Variants in RREB1 observed in about 807,000 individuals in gnomAD.
The protein encoded by RREB1 is ras responsive element binding protein 1, also known as ras-responsive element-binding protein 1.
A neutral mutation model predicts 117.8 loss-of-function variants in RREB1; 27 were observed. The ratio of observed to expected loss-of-function variants is 0.23; its 90% CI spans 0.17 to 0.32. RREB1 has a LOEUF of 0.32. RREB1 is among the 10% of genes least tolerant of loss of function. The probability of loss-of-function intolerance (pLI) is 1.00; values close to 1 mark genes in which losing one functional copy is unlikely to be tolerated. For synonymous variants in RREB1, 1,298 were observed against 1,026.7 expected (o/e 1.26, Z -5.05); for missense variants, 2,577 against 2,378.2 (o/e 1.08, Z -1.74).
At position 7,231,534 on chromosome 6, in the gene RREB1, C is replaced by T. The variant is rs1390221467; in HGVS notation, c.3435C>T (p.Gly1145=). ...AGGCTGCCTCTCCCACCGAGCAGGG[C>T]CCAGCGGGCACGTCGAAGAAGAGGG... ...SPEAASPTEQ[G]PAGTSKKRGR... is the part of the protein sequence containing the mutation. Residue 1145 remains glycine, a synonymous_variant, in exon 10 of 13, where the codon GGC becomes GGT. Transcript: ENST00000379938. The T allele has an allele frequency of 6.2e-6, 10 of 1,609,442 alleles. No individual in the cohort carries two copies. The highest frequency in any genetic ancestry group is 1.3e-5 in the African/African-American group (1 of 74,756).
chr6:7,132,571 T>A (rs997850423), intron 1 of RREB1, among the ~76,000 whole-genome samples: 3 of 152,234 alleles, frequency 2.0e-5, no homozygotes, highest in African/African-American at 7.2e-5. Flanking sequence ...AAGGAATGAA[T>A]GCGGTAGGGG....
chr6:7,228,529 AGT>A (rs1767723312), intron 9 of RREB1, among the ~76,000 whole-genome samples: 1 of 115,914 alleles, frequency 8.6e-6, no homozygotes, highest in African/African-American at 3.4e-5. Context: ...TTTAAGGCAG[AGT>A]CTTGTTCTGT....
Position 7,247,114 on chromosome 6 carries a change from C to G in RREB1, c.4664C>G (p.Pro1555Arg), listed in dbSNP as rs895724077. Reference sequence around the variant, plus strand: ...GACAAGAAACCAAAGACAGACTCCCCCAAAAGCGTGGCCAGCAAGGCAGAC... The same window carrying G: ...GACAAGAAACCAAAGACAGACTCCCGCAAAAGCGTGGCCAGCAAGGCAGAC... The part of the protein sequence containing the change: ...DDDKKPKTDS[P>R]KSVASKADKR... Residue 1555 changes from proline to arginine, a missense_variant, in exon 12 of 13, where the codon CCC (proline) becomes CGC (arginine). By Grantham distance (103) the Pro-to-Arg change is moderately radical (BLOSUM62 -2). Transcript: ENST00000379938. The G allele has an allele frequency of 9.9e-6, 16 of 1,613,890 alleles. No homozygotes were observed. Among genetic ancestry groups the G allele is most frequent in the Non-Finnish European group, 1.2e-5 (14 of 1,179,986 alleles).
chr6:7,164,657 T>C (rs1262691534), intron 1 of RREB1, among the ~76,000 whole-genome samples: 3 of 152,170 alleles, frequency 2.0e-5, no homozygotes, highest in African/African-American at 4.8e-5. Context: ...CTATACTGAG[T>C]CCTGGATATT....
chr6:7,170,650 T>G (rs1764163037), intron 1 of RREB1, among the ~76,000 whole-genome samples: 1 of 152,246 alleles, frequency 6.6e-6, no homozygotes, highest in East Asian at 1.9e-4. Context: ...TGATGTGTGT[T>G]TGTTCCTGAG....
rs1320614640 is a variant in RREB1 at position 7,250,492 on chromosome 6, C to T, written c.*1524C>T. 1 of 151,932 alleles carries T rather than the reference C, an allele frequency of 6.6e-6. No homozygotes were observed. The highest frequency in any genetic ancestry group is 2.0e-4 in the East Asian group (1 of 5,126). The allele number at this position is 151,932 out of a possible 1,614,324, so 9.4% of individuals were successfully genotyped here. On this transcript the variant is annotated 3_prime_UTR_variant, in exon 13 of 13. Coordinates refer to ENST00000379938, the MANE Select transcript of RREB1 (RefSeq NM_001003699.4). Reference sequence around the variant, plus strand: ...CTCCGCCTGCAGGGAGGAGAATGTACCCCACTGCACCTGAGCTCCTGGTCC... The same window carrying T: ...CTCCGCCTGCAGGGAGGAGAATGTATCCCACTGCACCTGAGCTCCTGGTCC...
At chr6:7,227,532 C>T (rs565896428) in intron 9 of RREB1, among the ~76,000 whole-genome samples, 1 of 147,210 alleles carries the variant, frequency 6.8e-6, no homozygotes, top group African/African-American at 2.6e-5. Flanking sequence ...CAGAGCGAGA[C>T]TCCGTCTAAG....
chr6:7,134,494 CT>C (rs1218397128), intron 1 of RREB1, among the ~76,000 whole-genome samples: 2 of 152,290 alleles, frequency 1.3e-5, no homozygotes, highest in African/African-American at 4.8e-5. Flanking sequence ...TATTCCCCAT[CT>C]TTTTAAATGT....
chr6:7,196,590 GTAAA>G (rs1765692125), intron 6 of RREB1, among the ~76,000 whole-genome samples: 1 of 152,058 alleles, frequency 6.6e-6, no homozygotes, highest in East Asian at 1.9e-4. Flanking sequence ...CTTTTTTCTA[GTAAA>G]TAAATTTACT....
chr6:7,227,210 C>T (rs1401607010), intron 9 of RREB1, among the ~76,000 whole-genome samples: 1 of 151,826 alleles, frequency 6.6e-6, no homozygotes, highest in Non-Finnish European at 1.5e-5. Context: ...CCACTGCACT[C>T]CAGCGTGGGT....
intron 1 of RREB1, among the ~76,000 whole-genome samples, chr6:7,126,096 G>T (rs896884939): frequency 2.0e-5 from 3 of 152,090 alleles, no homozygotes; most frequent in Non-Finnish European, 2.9e-5. Flanking sequence ...CCGCCTCCCG[G>T]GTTCAAGTGA....
chr6:7,231,152 T>C lies in RREB1; in HGVS notation c.3053T>C (p.Ile1018Thr). 6.2e-7 allele frequency: 1 copy of C among 1,612,328 alleles called. No individual in the cohort carries two copies. The highest frequency in any genetic ancestry group is 1.3e-5 in the African/African-American group (1 of 75,022). Residue 1018 changes from isoleucine (I) to threonine (T), a missense_variant, in exon 10 of 13, where the codon ATC (isoleucine) becomes ACC (threonine). Coordinates refer to ENST00000379938, the MANE Select transcript of RREB1 (RefSeq NM_001003699.4). ...GGCCCTGTTCAGCTGGCGGTCCCAA[T>C]CTACTCCTCAGCCCTGGTCAGCAGC... ...LQGPVQLAVP[I>T]YSSALVSSPP...
intron 1 of RREB1, among the ~76,000 whole-genome samples, chr6:7,162,578 C>T (rs1444457940): frequency 6.6e-6 from 1 of 152,008 alleles, no homozygotes; most frequent in Non-Finnish European, 1.5e-5. Context: ...GGTTCTGGCA[C>T]CTGGAATGTT....
intron 1 of RREB1, among the ~76,000 whole-genome samples, chr6:7,117,484 C>G (rs1761465139): frequency 7.0e-6 from 1 of 143,164 alleles, no homozygotes; most frequent in African/African-American, 2.6e-5. Context: ...AGTCTTGGCT[C>G]ACTGCAACCT....
intron 6 of RREB1, among the ~76,000 whole-genome samples, chr6:7,209,431 G>A (rs1162869594): frequency 6.6e-6 from 1 of 151,990 alleles, no homozygotes; most frequent in African/African-American, 2.4e-5. Flanking sequence ...ATTGAGGGAT[G>A]GTGTCCTCAA....
At chr6:7,216,993 ACAGT>A (rs1766939161) in intron 8 of RREB1, 1 of 152,332 alleles carries the variant, frequency 6.6e-6, no homozygotes, top group Non-Finnish European at 1.5e-5. Context: ...GTTTGGTTGA[ACAGT>A]CAGAGCGGGG....
intron 1 of RREB1, among the ~76,000 whole-genome samples, chr6:7,112,767 G>T (rs1336235523): frequency 6.6e-6 from 1 of 152,172 alleles, no homozygotes; most frequent in Non-Finnish European, 1.5e-5. Context: ...GTGGAGAGGG[G>T]TTTTTCCTTT....
intron 12 of RREB1, among the ~76,000 whole-genome samples, chr6:7,247,621 C>T (rs1325955261): frequency 6.6e-6 from 1 of 152,128 alleles, no homozygotes; most frequent in East Asian, 1.9e-4. Context: ...CAGGCACTGC[C>T]CCAGGCCGCT....
At chr6:7,227,105 G>C (rs1767627180) in intron 9 of RREB1, among the ~76,000 whole-genome samples, 1 of 152,158 alleles carries the variant, frequency 6.6e-6, no homozygotes, top group Non-Finnish European at 1.5e-5. Context: ...GCCAGGCGTG[G>C]TGGTGTGCAC....
Sources: allele counts gnomAD v4.1 joint callset (sites outside exome capture counted in the v4.1 genomes callset), GRCh38; gene constraint gnomAD v4.1.1; transcripts MANE v1.5; gene names NCBI Gene and HGNC (gene_info 2026-07-23, HGNC 2026-07-21).